Variants in IQCM observed in about 807,000 individuals in gnomAD.
The protein encoded by IQCM is IQ domain-containing protein M.
A neutral mutation model predicts 57.6 loss-of-function variants in IQCM; 45 were observed. That is an observed-to-expected ratio of 0.78 (90% CI 0.62 to 1.00). IQCM has a LOEUF of 1.00. Ranked by LOEUF, IQCM falls within the 50% of genes least tolerant of loss-of-function variation. IQCM has a pLI of 0.00. For synonymous variants in IQCM, 148 were observed against 158.9 expected, an observed-to-expected ratio of 0.93 and a Z score of 0.51; for missense variants, 468 against 511.6, an observed-to-expected ratio of 0.91 and a Z score of 0.82.
intron 10 of IQCM, among the ~76,000 whole-genome samples, chr4:149,556,807 A>C (rs1749629593): frequency 6.6e-6 from 1 of 152,180 alleles, no homozygotes; most frequent in African/African-American, 2.4e-5. Flanking sequence ...ATGCATAGCT[A>C]CTGGACATGT....
intron 3 of IQCM, chr4:149,737,539 T>G (rs1327266924): frequency 6.6e-6 from 1 of 152,142 alleles, no homozygotes; most frequent in Non-Finnish European, 1.5e-5. Flanking sequence ...AAGGCCACAC[T>G]CTCTCTTTAT....
intron 7 of IQCM, among the ~76,000 whole-genome samples, chr4:149,674,628 GA>G (rs369025459): frequency 8.4e-4 from 128 of 152,016 alleles, no homozygotes; most frequent in African/African-American, 2.8e-3. Flanking sequence ...AATCTCCAAA[GA>G]AAAAAACCTT....
At chr4:149,374,770 A>G (rs1730591734) in intron 13 of IQCM, among the ~76,000 whole-genome samples, 1 of 151,804 alleles carries the variant, frequency 6.6e-6, no homozygotes, top group Non-Finnish European at 1.5e-5. Context: ...CCTTCCACTC[A>G]CCTTTTACCA....
At chr4:149,481,724 CT>C (rs1176796294) in intron 12 of IQCM, among the ~76,000 whole-genome samples, 2 of 27,706 alleles carry the variant, frequency 7.2e-5, no homozygotes, top group African/African-American at 1.5e-4. Flanking sequence ...TTTTTTTTTG[CT>C]TTTTGCTTAG....
Position 149,768,803 on chromosome 4 carries a change from C to T in IQCM, c.-48-26064G>A, listed in dbSNP as rs556427646. Among the ~76,000 whole-genome samples the T allele has an allele frequency of 4.9e-4, 74 of 152,010 alleles. 1 individual carries two copies. Among genetic ancestry groups the T allele is most frequent in the Admixed American group, 3.3e-3 (50 of 15,254 alleles). On this transcript the variant is annotated intron_variant, in intron 2 of 13. Transcript: ENST00000636793. ...ATCAAAGGTTTAGGATATGTGAATC[C>T]GCTGTCATATTACTTGGCACCAAGA...
intron 12 of IQCM, among the ~76,000 whole-genome samples, chr4:149,445,205 A>G (rs1736375199): frequency 1.3e-5 from 2 of 151,796 alleles, no homozygotes; most frequent in South Asian, 4.1e-4. Flanking sequence ...TGGTTCAAAG[A>G]CTAGAATTAA....
At chr4:149,732,155 C>T (rs1197032674) in intron 5 of IQCM, among the ~76,000 whole-genome samples, 1 of 152,128 alleles carries the variant, frequency 6.6e-6, no homozygotes, top group Non-Finnish European at 1.5e-5. Context: ...ATCATCATGT[C>T]TTTCCATTAA....
intron 7 of IQCM, among the ~76,000 whole-genome samples, chr4:149,653,893 G>GA (rs907115163): frequency 5.9e-5 from 9 of 151,786 alleles, no homozygotes; most frequent in African/African-American, 1.2e-4. Context: ...TTGTAACTGG[G>GA]AAAAAAATGT....
chr4:149,536,881 A>G (rs912721598), intron 12 of IQCM, among the ~76,000 whole-genome samples: 7 of 152,072 alleles, frequency 4.6e-5, no homozygotes, highest in Non-Finnish European at 8.8e-5. Context: ...AAAGCAATAA[A>G]GAATACCTAC....
chr4:149,749,216 G>T (rs1580195451), intron 2 of IQCM, among the ~76,000 whole-genome samples: 1 of 152,096 alleles, frequency 6.6e-6, no homozygotes, highest in East Asian at 1.9e-4. Flanking sequence ...CAACAGAAAG[G>T]CTTATAATGT....
At chr4:149,560,123 T>C (rs1178314281) in intron 10 of IQCM, among the ~76,000 whole-genome samples, 1 of 152,224 alleles carries the variant, frequency 6.6e-6, no homozygotes, top group Non-Finnish European at 1.5e-5. Flanking sequence ...TGACCTGTCC[T>C]ATAGGCTTCA....
chr4:149,366,938 C>T (rs1729885882), intron 13 of IQCM, among the ~76,000 whole-genome samples: 1 of 151,860 alleles, frequency 6.6e-6, no homozygotes, highest in East Asian at 1.9e-4. Flanking sequence ...ATTTGAAAAA[C>T]TAATAATGAC....
intron 11 of IQCM, among the ~76,000 whole-genome samples, chr4:149,549,147 A>G (rs1160471548): frequency 6.6e-6 from 1 of 152,160 alleles, no homozygotes; most frequent in Non-Finnish European, 1.5e-5. Flanking sequence ...CAAGACTACC[A>G]CAGAAAACCA....
At chr4:149,433,985 A>G (rs747299119) in intron 12 of IQCM, among the ~76,000 whole-genome samples, 1 of 152,116 alleles carries the variant, frequency 6.6e-6, no homozygotes, top group Non-Finnish European at 1.5e-5. Flanking sequence ...TTCCTAGGCT[A>G]TGGTTTTTAA....
At chr4:149,742,878 CT>C (rs756527049) in intron 2 of IQCM, 139 bp from the exon 3 acceptor site, 3 of 395,554 alleles carry the variant, frequency 7.6e-6, no homozygotes, top group Non-Finnish European at 1.3e-5. Context: ...CCTTCAATGC[CT>C]TCCCCTCCAA....
chr4:149,802,893 C>G (rs1171784289), intron 2 of IQCM, among the ~76,000 whole-genome samples: 1 of 151,938 alleles, frequency 6.6e-6, no homozygotes, highest in Non-Finnish European at 1.5e-5. Flanking sequence ...TGCTGCTCTA[C>G]ATATGACAAC....
chr4:149,439,534 T>C (rs1735697823), intron 12 of IQCM, among the ~76,000 whole-genome samples: 1 of 152,058 alleles, frequency 6.6e-6, no homozygotes, highest in Non-Finnish European at 1.5e-5. Context: ...AGGAGGAGCA[T>C]TTTCTTTCTT....
intron 13 of IQCM, among the ~76,000 whole-genome samples, chr4:149,431,717 C>T (rs546374515): frequency 8.5e-4 from 129 of 152,034 alleles, no homozygotes; most frequent in Middle Eastern, 3.4e-3. Flanking sequence ...TTCCAAAGTG[C>T]CACTTAAATG....
At chr4:149,607,278 T>G (rs555588532) in intron 8 of IQCM, among the ~76,000 whole-genome samples, 24 of 152,088 alleles carry the variant, frequency 1.6e-4, no homozygotes, top group Non-Finnish European at 1.6e-4. Flanking sequence ...AAAGCACAAC[T>G]AGAATGTTAT....
Sources: gnomAD v4.1 joint callset for allele counts (sites outside exome capture counted in the v4.1 genomes callset) on GRCh38, gnomAD v4.1.1 for gene constraint, MANE v1.5 for transcripts, NCBI Gene and HGNC (gene_info 2026-07-23, HGNC 2026-07-21) for gene names.